The following LOC128706666 variants were observed in gnomAD, a reference collection of about 807,000 sequenced individuals.
the LOC128706666 span, among the ~76,000 whole-genome samples, chr20:10,422,048 C>T: frequency 6.6e-6 from 1 of 151,962 alleles, no homozygotes; most frequent in Non-Finnish European, 1.5e-5. Flanking sequence ...TTCTTATTCC[C>T]CCTTTTAAGA....
the LOC128706666 span, among the ~76,000 whole-genome samples, chr20:10,424,353 C>T: frequency 1.7e-4 from 26 of 152,022 alleles, no homozygotes; most frequent in South Asian, 1.2e-3. Flanking sequence ...CCCATGAGTT[C>T]GAGACTGCCT....
chr20:10,424,047 C>T, the LOC128706666 span, among the ~76,000 whole-genome samples: 2 of 152,146 alleles, frequency 1.3e-5, no homozygotes, highest in African/African-American at 4.8e-5. Context: ...CTTTGAGAGG[C>T]TTGGGAAATG....
the LOC128706666 span, among the ~76,000 whole-genome samples, chr20:10,421,963 A>T: frequency 6.6e-6 from 1 of 152,172 alleles, no homozygotes; most frequent in East Asian, 1.9e-4. Context: ...TGCATCTCTG[A>T]GTTTTAGTAC....
chr20:10,421,974 C>A, the LOC128706666 span, among the ~76,000 whole-genome samples: 1 of 151,914 alleles, frequency 6.6e-6, no homozygotes, highest in Non-Finnish European at 1.5e-5. Context: ...GTTTTAGTAC[C>A]ATGAAATCTC....
the LOC128706666 span, among the ~76,000 whole-genome samples, chr20:10,418,679 A>G: frequency 3.3e-5 from 5 of 152,112 alleles, no homozygotes; most frequent in Non-Finnish European, 7.4e-5. Flanking sequence ...TTTTCCTCCA[A>G]GAGTATTTCT....
the LOC128706666 span, among the ~76,000 whole-genome samples, chr20:10,415,009 A>C: frequency 6.6e-6 from 1 of 152,218 alleles, no homozygotes; most frequent in Non-Finnish European, 1.5e-5. Context: ...TTGCAATTCA[A>C]TTTCAAAGTC....
At chr20:10,415,931 G>A in the LOC128706666 span, among the ~76,000 whole-genome samples, 1 of 152,046 alleles carries the variant, frequency 6.6e-6, no homozygotes, top group Non-Finnish European at 1.5e-5. Flanking sequence ...AAAACTTGTT[G>A]ACCTGTGGTC....
the LOC128706666 span, among the ~76,000 whole-genome samples, chr20:10,432,885 T>C: frequency 1.3e-5 from 2 of 151,328 alleles, no homozygotes. Context: ...CTACTTATAA[T>C]ACCTAATACA....
chr20:10,419,600 A>G, the LOC128706666 span, among the ~76,000 whole-genome samples: 1 of 152,316 alleles, frequency 6.6e-6, no homozygotes, highest in East Asian at 1.9e-4. Flanking sequence ...TACCTATGAT[A>G]AAGTTCAATT....
the LOC128706666 span, chr20:10,420,808 T>C: frequency 2.6e-5 from 4 of 152,174 alleles, no homozygotes; most frequent in Non-Finnish European, 5.9e-5. Context: ...ACCCATAACC[T>C]CCCTTTAATT....
At chr20:10,421,627 A>G in the LOC128706666 span, among the ~76,000 whole-genome samples, 1 of 152,058 alleles carries the variant, frequency 6.6e-6, no homozygotes, top group Non-Finnish European at 1.5e-5. Flanking sequence ...ATGTAATGCC[A>G]TTTCCACATT....
At chr20:10,416,836 T>C in the LOC128706666 span, among the ~76,000 whole-genome samples, 2 of 152,210 alleles carry the variant, frequency 1.3e-5, no homozygotes, top group Non-Finnish European at 2.9e-5. Flanking sequence ...TTTTTGTAAA[T>C]GAAGTTTTAT....
At chr20:10,429,703 C>T in the LOC128706666 span, among the ~76,000 whole-genome samples, 2 of 152,174 alleles carry the variant, frequency 1.3e-5, no homozygotes, top group Non-Finnish European at 2.9e-5. Context: ...TGCCATTTGA[C>T]ATAAGTGTTT....
chr20:10,415,651 C>G, the LOC128706666 span, among the ~76,000 whole-genome samples: 1 of 152,216 alleles, frequency 6.6e-6, no homozygotes, highest in Non-Finnish European at 1.5e-5. Context: ...TGAAACCTCA[C>G]AAAGTGACTT....
the LOC128706666 span, among the ~76,000 whole-genome samples, chr20:10,414,852 T>C: frequency 6.6e-6 from 1 of 152,330 alleles, no homozygotes; most frequent in Non-Finnish European, 1.5e-5. Flanking sequence ...TCAGAGCTAA[T>C]TTTCTATCAT....
chr20:10,416,976 A>G, the LOC128706666 span, among the ~76,000 whole-genome samples: 2 of 152,124 alleles, frequency 1.3e-5, no homozygotes, highest in South Asian at 4.1e-4. Flanking sequence ...CTGATCTTTT[A>G]TAGAAAAAAA....
chr20:10,429,042 T>C, the LOC128706666 span, among the ~76,000 whole-genome samples: 3 of 152,062 alleles, frequency 2.0e-5, no homozygotes, highest in South Asian at 2.1e-4. Flanking sequence ...CTGAAAAGAG[T>C]CAAAAACAAA....
the LOC128706666 span, among the ~76,000 whole-genome samples, chr20:10,423,146 A>G: frequency 6.6e-6 from 1 of 152,184 alleles, no homozygotes; most frequent in African/African-American, 2.4e-5. Context: ...GCTTATAAAA[A>G]GAGATTAGGG....
the LOC128706666 span, among the ~76,000 whole-genome samples, chr20:10,425,295 A>G: frequency 6.6e-6 from 1 of 152,218 alleles, no homozygotes; most frequent in South Asian, 2.1e-4. Context: ...TAATGGCGAT[A>G]TCCTAATTTG....
Sources: gnomAD v4.1 joint callset for allele counts (sites outside exome capture counted in the v4.1 genomes callset) on GRCh38, gnomAD v4.1.1 for gene constraint, MANE v1.5 for transcripts.